The following KCNH7 variants were observed in gnomAD, a reference collection of about 807,000 sequenced individuals.
KCNH7 encodes potassium voltage-gated channel subfamily H member 7.
In KCNH7, 49 loss-of-function variants were observed where a neutral mutation model predicts 120.8. The observed-to-expected ratio is 0.41, with a 90% CI of 0.32 to 0.51. The LOEUF is 0.51. Ranked by LOEUF, KCNH7 falls within the 20% of genes least tolerant of loss-of-function variation. The pLI is 0.38. For missense variants in KCNH7, 1,097 were observed against 1,446.6 expected, an observed-to-expected ratio of 0.76 and a Z score of 3.92; for synonymous variants, 547 against 516.1, an observed-to-expected ratio of 1.06 and a Z score of -0.81.
chr2:162,722,813 C>CT (rs894023630), intron 2 of KCNH7, among the ~76,000 whole-genome samples: 1,210 of 85,092 alleles, frequency 0.014, 29 homozygotes, highest in African/African-American at 0.022. Context: ...TTCTTTTTTT[C>CT]TTTTTTTTTT....
intron 2 of KCNH7, among the ~76,000 whole-genome samples, chr2:162,642,623 A>T (rs1364368749): frequency 6.6e-6 from 1 of 152,216 alleles, no homozygotes; most frequent in Non-Finnish European, 1.5e-5. Flanking sequence ...TTCTGCTGTT[A>T]TAGAGCGTCT....
At chr2:162,570,343 G>A (rs1473448873) in intron 2 of KCNH7, among the ~76,000 whole-genome samples, 1 of 151,772 alleles carries the variant, frequency 6.6e-6, no homozygotes, top group African/African-American at 2.4e-5. Flanking sequence ...TCAGAGACTA[G>A]GATTGCAACC....
chr2:162,670,766 G>T (rs1685322725), intron 2 of KCNH7, among the ~76,000 whole-genome samples: 1 of 151,122 alleles, frequency 6.6e-6, no homozygotes, highest in East Asian at 1.9e-4. Flanking sequence ...CACAAGAAAG[G>T]TGGAAAAAAA....
intron 2 of KCNH7, among the ~76,000 whole-genome samples, chr2:162,550,856 A>G (rs533511607): frequency 1.3e-5 from 2 of 151,212 alleles, no homozygotes; most frequent in Non-Finnish European, 2.9e-5. Context: ...TGAATATGGT[A>G]GACAAAGCAA....
intron 2 of KCNH7, among the ~76,000 whole-genome samples, chr2:162,551,805 T>C (rs1692676350): frequency 6.6e-6 from 1 of 151,994 alleles, no homozygotes. Flanking sequence ...CATGTGTGGG[T>C]CCATTTGATT....
intron 1 of KCNH7, among the ~76,000 whole-genome samples, chr2:162,837,338 T>G (rs1035240409): frequency 6.6e-6 from 1 of 152,194 alleles, no homozygotes; most frequent in Non-Finnish European, 1.5e-5. Flanking sequence ...AAGGCAAAGA[T>G]TCACATTTTC....
intron 6 of KCNH7, among the ~76,000 whole-genome samples, chr2:162,484,623 G>C (rs1690032458): frequency 6.6e-6 from 1 of 152,040 alleles, no homozygotes; most frequent in African/African-American, 2.4e-5. Flanking sequence ...TTGGATATTT[G>C]TCCCCCTAAA....
At chr2:162,540,857 G>A (rs1043602613) in intron 2 of KCNH7, among the ~76,000 whole-genome samples, 3 of 152,088 alleles carry the variant, frequency 2.0e-5, no homozygotes, top group Admixed American at 6.6e-5. Context: ...GAGACCAGTT[G>A]GGAAAATACT....
chr2:162,569,751 A>G (rs1195682943), intron 2 of KCNH7, among the ~76,000 whole-genome samples: 1 of 151,364 alleles, frequency 6.6e-6, no homozygotes, highest in Non-Finnish European at 1.5e-5. Context: ...GTTGGTTTCA[A>G]AGAACATCTT....
intron 6 of KCNH7, among the ~76,000 whole-genome samples, chr2:162,466,818 C>T (rs1689323891): frequency 6.6e-6 from 1 of 151,934 alleles, no homozygotes; most frequent in Non-Finnish European, 1.5e-5. Context: ...TAATTGGACA[C>T]TAACTTTATA....
intron 6 of KCNH7, among the ~76,000 whole-genome samples, chr2:162,455,770 G>A (rs1273524288): frequency 6.6e-6 from 1 of 151,942 alleles, no homozygotes; most frequent in Admixed American, 6.6e-5. Context: ...ATTTCTGTAG[G>A]GTCAGTGGTG....
intron 6 of KCNH7, among the ~76,000 whole-genome samples, chr2:162,460,509 A>G (rs188290829): frequency 5.9e-4 from 90 of 152,320 alleles, no homozygotes; most frequent in African/African-American, 2.0e-3. Flanking sequence ...AGAAGAGAAG[A>G]AATACAGAGA....
chr2:162,775,403 C>T (rs592553), intron 2 of KCNH7, among the ~76,000 whole-genome samples: 6,859 of 152,142 alleles, frequency 0.045, 181 homozygotes, highest in East Asian at 0.083. Context: ...TCTCTTTCTA[C>T]TCACATGTTA....
chr2:162,470,809 G>T (rs1689497683), intron 6 of KCNH7, among the ~76,000 whole-genome samples: 1 of 152,244 alleles, frequency 6.6e-6, no homozygotes, highest in Admixed American at 6.5e-5. Context: ...AGAGGAGGGG[G>T]AAAGGTGGGG....
At chr2:162,656,638 A>G (rs746168534) in intron 2 of KCNH7, among the ~76,000 whole-genome samples, 1 of 152,172 alleles carries the variant, frequency 6.6e-6, no homozygotes, top group African/African-American at 2.4e-5. Flanking sequence ...TTATTAGGAC[A>G]CTACATTTTG....
At chr2:162,812,057 C>CGT (rs769500291) in intron 2 of KCNH7, among the ~76,000 whole-genome samples, 2 of 151,666 alleles carry the variant, frequency 1.3e-5, no homozygotes, top group Non-Finnish European at 2.9e-5. Context: ...GTACAGCACA[C>CGT]GTGTGTGTGT....
chr2:162,634,789 T>C (rs917633345), intron 2 of KCNH7, among the ~76,000 whole-genome samples: 3 of 152,072 alleles, frequency 2.0e-5, no homozygotes, highest in South Asian at 2.1e-4. Flanking sequence ...GACCTGTCAC[T>C]GTTCACTAAC....
chr2:162,735,504 A>G (rs555978695), intron 2 of KCNH7, among the ~76,000 whole-genome samples: 25 of 152,322 alleles, frequency 1.6e-4, no homozygotes, highest in Non-Finnish European at 2.5e-4. Context: ...AGATAATGTC[A>G]CTATTGCAAA....
At chr2:162,829,256 A>C (rs1330876364) in intron 2 of KCNH7, among the ~76,000 whole-genome samples, 2 of 152,184 alleles carry the variant, frequency 1.3e-5, no homozygotes, top group Non-Finnish European at 2.9e-5. Flanking sequence ...CAGCACAGTA[A>C]AGAGAGAGAA....
Sources: allele counts gnomAD v4.1 joint callset (sites outside exome capture counted in the v4.1 genomes callset), GRCh38; gene constraint gnomAD v4.1.1; transcripts MANE v1.5; gene names NCBI Gene and HGNC (gene_info 2026-07-23, HGNC 2026-07-21).